SH3BGRL2: variants seen among roughly 807,000 people sequenced by gnomAD.
SH3BGRL2 encodes SH3 domain-binding glutamic acid-rich-like protein 2.
A neutral mutation model predicts 14.8 loss-of-function variants in SH3BGRL2; 21 were observed. The ratio of observed to expected loss-of-function variants is 1.42; its 90% CI spans 1.01 to 2.05. SH3BGRL2 has a LOEUF of 2.05. SH3BGRL2 is among the 30% of genes most tolerant of loss of function. The pLI, the probability that SH3BGRL2 is intolerant of heterozygous loss-of-function variation, is 0.00. For synonymous variants in SH3BGRL2, 50 were observed against 47.8 expected (o/e 1.05, Z -0.19); for missense variants, 147 against 130.8 (o/e 1.12, Z -0.61).
At chr6:79,552,091 A>G in the SH3BGRL2 span, among the ~76,000 whole-genome samples, 1 of 152,280 alleles carries the variant, frequency 6.6e-6, no homozygotes, top group Admixed American at 6.5e-5. Flanking sequence ...CTCTGCCTCA[A>G]AAAAACAAAA....
chr6:79,693,482 T>C (rs952977831), intron 2 of SH3BGRL2, among the ~76,000 whole-genome samples: 89 of 150,742 alleles, frequency 5.9e-4, no homozygotes, highest in Non-Finnish European at 1.1e-3. Flanking sequence ...CAGTATGATA[T>C]TGGCTGTGGG....
chr6:79,606,608 T>C, the SH3BGRL2 span, among the ~76,000 whole-genome samples: 13 of 152,298 alleles, frequency 8.5e-5, no homozygotes, highest in South Asian at 2.7e-3. Flanking sequence ...TCAAGGAAAT[T>C]TGATCTTTGA....
At chr6:79,631,306 T>A (rs1206983924), upstream of SH3BGRL2, 3 of 586,970 alleles carry the variant, frequency 5.1e-6, no homozygotes, top group South Asian at 7.9e-5. Flanking sequence ...GGCTTTTATC[T>A]GCGGACCCGC....
chr6:79,621,043 G>A, the SH3BGRL2 span, among the ~76,000 whole-genome samples: 3 of 152,086 alleles, frequency 2.0e-5, no homozygotes, highest in Non-Finnish European at 4.4e-5. Flanking sequence ...GATTACAGGT[G>A]TGAGCCACCG....
chr6:79,613,949 C>A, the SH3BGRL2 span, among the ~76,000 whole-genome samples: 1 of 152,040 alleles, frequency 6.6e-6, no homozygotes, highest in African/African-American at 2.4e-5. Context: ...TAAAGACATT[C>A]CGTATTTTCC....
chr6:79,659,004 ATTTG>A (rs1484960153), intron 1 of SH3BGRL2, among the ~76,000 whole-genome samples: 1 of 152,014 alleles, frequency 6.6e-6, no homozygotes, highest in Non-Finnish European at 1.5e-5. Context: ...TTTCTTGTAA[ATTTG>A]TTTAAGTTCT....
At chr6:79,576,081 C>T in the SH3BGRL2 span, among the ~76,000 whole-genome samples, 16,232 of 152,040 alleles carry the variant, frequency 0.11, 979 homozygotes, top group Non-Finnish European at 0.13. Flanking sequence ...AGCCTATTCC[C>T]TAAACAATGC....
At chr6:79,580,409 A>C in the SH3BGRL2 span, among the ~76,000 whole-genome samples, 1 of 152,226 alleles carries the variant, frequency 6.6e-6, no homozygotes, top group African/African-American at 2.4e-5. Context: ...ACTCCTCAGC[A>C]AATGTAAAAG....
the SH3BGRL2 span, chr6:79,574,516 G>A: frequency 6.6e-6 from 1 of 152,068 alleles, no homozygotes; most frequent in African/African-American, 2.4e-5. Flanking sequence ...CATTTTTGGG[G>A]TAAAATATTC....
chr6:79,660,733 C>A (rs534045095), intron 1 of SH3BGRL2, among the ~76,000 whole-genome samples: 1 of 152,260 alleles, frequency 6.6e-6, no homozygotes, highest in Non-Finnish European at 1.5e-5. Flanking sequence ...CCTCTTTGTA[C>A]CTCTGGTAGA....
At chr6:79,576,915 C>T in the SH3BGRL2 span, among the ~76,000 whole-genome samples, 2 of 152,130 alleles carry the variant, frequency 1.3e-5, no homozygotes, top group South Asian at 2.1e-4. Flanking sequence ...CTCAGCATAA[C>T]GTTTTTACGA....
the SH3BGRL2 span, among the ~76,000 whole-genome samples, chr6:79,568,628 C>T: frequency 6.6e-6 from 1 of 152,014 alleles, no homozygotes; most frequent in Non-Finnish European, 1.5e-5. Context: ...ACCTAGGAAG[C>T]AAGGATGGGA....
the SH3BGRL2 span, among the ~76,000 whole-genome samples, chr6:79,572,626 C>T: frequency 3.2e-4 from 49 of 152,020 alleles, no homozygotes; most frequent in African/African-American, 1.1e-3. Context: ...CCACCACGCC[C>T]GGCTAATTTT....
At chr6:79,581,326 G>C in the SH3BGRL2 span, among the ~76,000 whole-genome samples, 26 of 151,944 alleles carry the variant, frequency 1.7e-4, no homozygotes, top group Non-Finnish European at 2.8e-4. Flanking sequence ...GCCCAGCAGA[G>C]ACACAACAAA....
At chr6:79,662,362 A>G (rs1481663823) in intron 1 of SH3BGRL2, among the ~76,000 whole-genome samples, 3 of 152,142 alleles carry the variant, frequency 2.0e-5, no homozygotes, top group Non-Finnish European at 2.9e-5. Flanking sequence ...ATCTCTCAGC[A>G]TTTGCTTGTC....
chr6:79,693,934 G>A (rs559204991), intron 2 of SH3BGRL2, among the ~76,000 whole-genome samples: 1 of 152,332 alleles, frequency 6.6e-6, no homozygotes, highest in South Asian at 2.1e-4. Context: ...ATATAAACTA[G>A]TGGTTGAGGG....
chr6:79,629,703 C>A, upstream of SH3BGRL2, among the ~76,000 whole-genome samples: 1 of 152,096 alleles, frequency 6.6e-6, no homozygotes, highest in African/African-American at 2.4e-5. Context: ...CTATGGCCAC[C>A]TTTTTCCTTT....
the SH3BGRL2 span, among the ~76,000 whole-genome samples, chr6:79,609,881 C>A: frequency 6.6e-6 from 1 of 152,184 alleles, no homozygotes; most frequent in Non-Finnish European, 1.5e-5. Context: ...CCAAAGAAGG[C>A]AGGCCATTCA....
intron 1 of SH3BGRL2, among the ~76,000 whole-genome samples, chr6:79,671,784 C>T (rs1319203632): frequency 6.6e-6 from 1 of 152,188 alleles, no homozygotes; most frequent in Non-Finnish European, 1.5e-5. Flanking sequence ...CTGCCTGCCC[C>T]CGCCACCCTA....
Sources: gnomAD v4.1 joint callset for allele counts (sites outside exome capture counted in the v4.1 genomes callset) on GRCh38, gnomAD v4.1.1 for gene constraint, MANE v1.5 for transcripts, NCBI Gene and HGNC (gene_info 2026-07-23, HGNC 2026-07-21) for gene names.